ASB7: variants seen among roughly 807,000 people sequenced by gnomAD.
ASB7 encodes the protein ankyrin repeat and SOCS box containing 7, also known as ankyrin repeat and SOCS box protein 7.
In ASB7, 4 loss-of-function variants were observed where a neutral mutation model predicts 32.5. That is an observed-to-expected ratio of 0.12 (90% CI 0.06 to 0.28). ASB7 has a LOEUF of 0.28. Ranked by LOEUF, ASB7 falls within the 10% of genes least tolerant of loss-of-function variation. The probability of loss-of-function intolerance (pLI) is 1.00; values close to 1 mark genes in which losing one functional copy is unlikely to be tolerated. For missense variants in ASB7, 181 were observed against 407.1 expected, an observed-to-expected ratio of 0.44 and a Z score of 4.78; for synonymous variants, 172 against 155.6, an observed-to-expected ratio of 1.11 and a Z score of -0.78.
At chr15:100,611,481 A>ATGCTTTTTTTT (rs2039694277) in intron 3 of ASB7, among the ~76,000 whole-genome samples, 2 of 13,304 alleles carry the variant, frequency 1.5e-4, no homozygotes, top group African/African-American at 2.8e-4. Flanking sequence ...GATTGTTTCG[A>ATGCTTTTTTTT]TTCTTTTTTT....
At chr15:100,628,155 A>G (rs1005079586) in intron 4 of ASB7, among the ~76,000 whole-genome samples, 4 of 152,228 alleles carry the variant, frequency 2.6e-5, no homozygotes, top group Non-Finnish European at 5.9e-5. Flanking sequence ...CTGACACTTT[A>G]CAGTAAATGT....
intron 5 of ASB7, chr15:100,645,858 G>A (rs1036882243): frequency 8.1e-6 from 8 of 987,672 alleles, no homozygotes; most frequent in Admixed American, 3.7e-5. Flanking sequence ...CCCAAGATAC[G>A]CTGCAGATTT....
In ASB7 at chr15:100,629,172, C is replaced by T. The variant is rs1479407495; in HGVS notation, c.212-265C>T. On this transcript the variant is annotated intron_variant, in intron 4 of 5. Transcript: ENST00000332783. This position sits in a 1 kb window ranked among gnomAD's most constrained non-coding sequence, Gnocchi z 6.8. ...TAGCAAAGACAGGGGATGTGGTGATCTGTACTCCGTGTTTTTTGTGTATAT... is the reference window on the plus strand; with the variant it reads ...TAGCAAAGACAGGGGATGTGGTGATTTGTACTCCGTGTTTTTTGTGTATAT... Among the ~76,000 whole-genome samples the T allele has an allele frequency of 2.6e-5, 4 of 152,196 alleles. No individual in the cohort carries two copies. Among genetic ancestry groups the T allele is most frequent in the Admixed American group, 1.3e-4 (2 of 15,286 alleles).
chr15:100,640,326 G>C (rs2039952668), intron 5 of ASB7, among the ~76,000 whole-genome samples: 2 of 152,054 alleles, frequency 1.3e-5, no homozygotes, highest in African/African-American at 2.4e-5. Flanking sequence ...TGTATTTTTA[G>C]TAGAGATGGG....
In ASB7 at chr15:100,609,631, A is replaced by G. The variant is rs576208763; in HGVS notation, c.-173-76A>G. The stretch of plus-strand genomic sequence containing the variant: ...AAGCACTGAAGTTTACATTCATCAA[A>G]AGGTAGACTATGCAGACAGCTATGA... On this transcript the variant is annotated intron_variant, in intron 2 of 5. Transcript: ENST00000332783. 48 of 152,316 alleles carry G rather than the reference A, an allele frequency of 3.2e-4. 1 individual carries two copies. Among genetic ancestry groups the G allele is most frequent in the African/African-American group, 1.0e-3 (43 of 41,564 alleles). 9.4% of individuals were successfully genotyped at this position (152,316 alleles called of 1,614,324 possible). A position where few individuals can be genotyped will look rare whatever the true frequency, so the allele number is the denominator to read the frequency against.
intron 2 of ASB7, among the ~76,000 whole-genome samples, chr15:100,604,516 T>C (rs544520549): frequency 3.3e-5 from 5 of 152,334 alleles, no homozygotes; most frequent in African/African-American, 1.2e-4. Context: ...CACTGGACTT[T>C]CTGCCCTCCA....
chr15:100,608,070 G>C (rs762473220), intron 2 of ASB7, among the ~76,000 whole-genome samples: 5 of 152,298 alleles, frequency 3.3e-5, no homozygotes, highest in Non-Finnish European at 7.3e-5. Flanking sequence ...GGGAAGTAAG[G>C]GGTGCTGAGG....
At chr15:100,634,819 A>C (rs2039910517) in intron 5 of ASB7, among the ~76,000 whole-genome samples, 1 of 152,202 alleles carries the variant, frequency 6.6e-6, no homozygotes, top group Admixed American at 6.5e-5. Context: ...AAAGAAAGAA[A>C]GAAAGAAATA....
rs547191207 is a variant in ASB7 at position 100,628,373 on chromosome 15, G to C, written c.212-1064G>C. ...ACAATACGTGAGTTTTCACTCACCT[G>C]TGGAGGCTGTGTGTGTGTATGTATG... On this transcript the variant is annotated intron_variant, in intron 4 of 5. Coordinates refer to ENST00000332783, the MANE Select transcript of ASB7 (RefSeq NM_198243.3). Among the ~76,000 whole-genome samples the C allele has an allele frequency of 2.0e-5, 3 of 152,322 alleles. No homozygotes were observed. The East Asian group carries it at 5.8e-4, about 29-fold the overall frequency.
intron 4 of ASB7, among the ~76,000 whole-genome samples, chr15:100,613,778 G>T (rs377313455): frequency 2.1e-4 from 31 of 150,722 alleles, no homozygotes; most frequent in African/African-American, 7.2e-4. Flanking sequence ...TAAAAGTTCT[G>T]TTATTCAAGT....
intron 3 of ASB7, among the ~76,000 whole-genome samples, chr15:100,611,291 G>A (rs1242718202): frequency 6.6e-6 from 1 of 151,958 alleles, no homozygotes; most frequent in Non-Finnish European, 1.5e-5. Flanking sequence ...GGGCTCAAGT[G>A]GTCCCTTTTT....
At chr15:100,625,068 G>A (rs2039826769) in intron 4 of ASB7, among the ~76,000 whole-genome samples, 1 of 152,164 alleles carries the variant, frequency 6.6e-6, no homozygotes. Context: ...ATACCTTCAT[G>A]AGAAAGATGG....
At chr15:100,643,435 G>C (rs1567118817) in intron 5 of ASB7, among the ~76,000 whole-genome samples, 1 of 148,624 alleles carries the variant, frequency 6.7e-6, no homozygotes, top group Non-Finnish European at 1.5e-5. Flanking sequence ...ATCCATATCA[G>C]CAGATCCCCC....
At chr15:100,646,486 A>C in intron 5 of ASB7, 3 of 475,368 alleles carry the variant, frequency 6.3e-6, no homozygotes, top group South Asian at 1.6e-5. Context: ...CTGACCCTTA[A>C]TAAGGAAATC....
At chr15:100,638,676 C>T (rs1373412607) in intron 5 of ASB7, among the ~76,000 whole-genome samples, 1 of 152,156 alleles carries the variant, frequency 6.6e-6, no homozygotes, top group Non-Finnish European at 1.5e-5. Context: ...TTTGACAGAG[C>T]ATCTTTTTAA....
In ASB7 at chr15:100,602,926, G is replaced by T; in HGVS notation, c.-393G>T. The T allele has an allele frequency of 2.5e-6, 1 of 398,962 alleles. No individual in the cohort carries two copies. The highest frequency in any genetic ancestry group is 1.3e-4 in the South Asian group (1 of 7,846). 24.7% of individuals were successfully genotyped at this position (398,962 alleles called of 1,614,324 possible). On this transcript the variant is annotated 5_prime_UTR_variant, in exon 1 of 6. It adds an upstream start codon to the 5' untranslated region. Transcript: ENST00000332783. The stretch of plus-strand genomic sequence containing the variant: ...GATGTTCGCCGGGCTGGGGCCGTGA[G>T]GCACCGAGGAGGATCAGGAACACCA...
intron 5 of ASB7, among the ~76,000 whole-genome samples, chr15:100,634,803 CAAAA>C (rs1022245718): frequency 2.0e-5 from 3 of 151,986 alleles, no homozygotes; most frequent in East Asian, 1.9e-4. Context: ...GACTCCATCT[CAAAA>C]GAAAGAAAGA....
At chr15:100,626,292 A>G (rs1400102182) in intron 4 of ASB7, among the ~76,000 whole-genome samples, 1 of 152,230 alleles carries the variant, frequency 6.6e-6, no homozygotes, top group Non-Finnish European at 1.5e-5. Flanking sequence ...ATTAATGAGG[A>G]GACAACCAAT....
chr15:100,616,787 C>A (rs897474124), intron 4 of ASB7, among the ~76,000 whole-genome samples: 4 of 152,226 alleles, frequency 2.6e-5, no homozygotes, highest in African/African-American at 9.6e-5. Context: ...TTAGTAGAAG[C>A]AAACACCTAC....
Sources: allele counts gnomAD v4.1 joint callset (sites outside exome capture counted in the v4.1 genomes callset), GRCh38; gene constraint gnomAD v4.1.1; non-coding constraint Gnocchi (gnomAD v3.1); transcripts MANE v1.5; gene names NCBI Gene and HGNC (gene_info 2026-07-23, HGNC 2026-07-21).